GRIN2D: variants seen among roughly 807,000 people sequenced by gnomAD.
GRIN2D encodes glutamate ionotropic receptor NMDA type subunit 2D.
A neutral mutation model predicts 103.2 loss-of-function variants in GRIN2D; 37 were observed. The ratio of observed to expected loss-of-function variants is 0.36; its 90% CI spans 0.28 to 0.47. The LOEUF (loss-of-function observed/expected upper bound fraction) is 0.47. Ranked by LOEUF, GRIN2D falls within the 20% of genes least tolerant of loss-of-function variation. The pLI is 1.00. For synonymous variants in GRIN2D, 845 were observed against 885.6 expected, an observed-to-expected ratio of 0.95 and a Z score of 0.81; for missense variants, 1,557 against 1,910.6, an observed-to-expected ratio of 0.81 and a Z score of 3.45.
intron 11 of GRIN2D, among the ~76,000 whole-genome samples, chr19:48,440,189 G>T (rs1271848198): frequency 6.6e-6 from 1 of 151,906 alleles, no homozygotes; most frequent in Non-Finnish European, 1.5e-5. Flanking sequence ...CCAGCCTGGG[G>T]GACAAGAGTG....
chr19:48,404,710 G>T, intron 3 of GRIN2D, 24 bp from the exon 4 acceptor site: 1 of 1,566,300 alleles, frequency 6.4e-7, no homozygotes, highest in South Asian at 1.2e-5. Context: ...CGGCAGGCCT[G>T]ACATCCTCCT....
chr19:48,398,979 G>A (rs1970678117), intron 3 of GRIN2D, 122 bp downstream of exon 3: 1 of 967,998 alleles, frequency 1.0e-6, no homozygotes, highest in Admixed American at 4.4e-5. Flanking sequence ...GTGGGTCCGA[G>A]TCTGGGACAA....
At chr19:48,440,778 C>T (rs1971281753) in intron 11 of GRIN2D, among the ~76,000 whole-genome samples, 1 of 152,092 alleles carries the variant, frequency 6.6e-6, no homozygotes, top group South Asian at 2.1e-4. Context: ...CCTCTGCCTC[C>T]CAGGTTCAAG....
intron 3 of GRIN2D, among the ~76,000 whole-genome samples, chr19:48,399,213 C>T (rs1970680966): frequency 1.3e-5 from 2 of 151,988 alleles, no homozygotes; most frequent in Admixed American, 6.6e-5. Context: ...GGACTAGCCC[C>T]AAATGGCAAA....
chr19:48,405,425 A>G lies in GRIN2D; in HGVS notation c.1085+72A>G. 1 of 1,400,060 alleles carries G rather than the reference A, an allele frequency of 7.1e-7. No individual in the cohort carries two copies. The highest frequency in any genetic ancestry group is 9.4e-7 in the Non-Finnish European group (1 of 1,060,812). The allele number at this position is 1,400,060 out of a possible 1,614,324, so 86.7% of individuals were successfully genotyped here. A position where few individuals can be genotyped will look rare whatever the true frequency, so the allele number is the denominator to read the frequency against. ...TAACTACCTCAGTATTCACTGAATGAGTGGCTCAAATGGGCCACATCTGCT... is the reference window on the plus strand; with the variant it reads ...TAACTACCTCAGTATTCACTGAATGGGTGGCTCAAATGGGCCACATCTGCT... On this transcript the variant is annotated intron_variant, in intron 4 of 13. Transcript: ENST00000263269. This position sits in a 1 kb window ranked among gnomAD's most constrained non-coding sequence, Gnocchi z 5.1.
intron 8 of GRIN2D, among the ~76,000 whole-genome samples, chr19:48,416,729 TTCTC>T (rs375692824): frequency 1.3e-3 from 170 of 126,940 alleles, no homozygotes; most frequent in African/African-American, 5.0e-3. Context: ...AAGCTTCTAC[TTCTC>T]TCTCTCTCTC....
At position 48,398,423 on chromosome 19, in the gene GRIN2D, CG is replaced by C; in HGVS notation, c.35del (p.Gly12AlafsTer71). ...CGGCGCCGGTGGCCCCCGCGGCCCT[CG>C]GGGCCCCGCTAAGATGCTGCTGCTG... is the stretch of plus-strand genomic sequence containing the variant. MRGAGGPRGP[R>X]GPAKMLLLLA... On this transcript the variant is annotated frameshift_variant, in exon 3 of 14. Transcript: ENST00000263269. LOFTEE classifies it high-confidence loss of function. 8.9e-7 allele frequency: 1 copy of C among 1,117,632 alleles called. No homozygotes were observed. 69.2% of individuals were successfully genotyped at this position (1,117,632 alleles called of 1,614,324 possible).
chr19:48,398,956 C>A (rs1333992425), intron 3 of GRIN2D, 99 bp downstream of exon 3: 6 of 305,540 alleles, frequency 2.0e-5, no homozygotes, highest in Non-Finnish European at 2.9e-5. Context: ...CTAGAGGGGG[C>A]GGGGACTGTC....
intron 11 of GRIN2D, among the ~76,000 whole-genome samples, chr19:48,431,874 C>T (rs1011460419): frequency 4.6e-5 from 7 of 151,664 alleles, no homozygotes; most frequent in Admixed American, 6.6e-5. Context: ...TGTGTGCCAC[C>T]GCGCCCGGCC....
intron 3 of GRIN2D, among the ~76,000 whole-genome samples, chr19:48,399,552 A>G (rs1451115261): frequency 1.3e-5 from 2 of 152,206 alleles, no homozygotes; most frequent in Non-Finnish European, 2.9e-5. Context: ...TGGGCGACAC[A>G]GTGAGACTCT....
intron 8 of GRIN2D, 103 bp downstream of exon 8, chr19:48,416,258 T>C: frequency 1.0e-6 from 1 of 965,484 alleles, no homozygotes; most frequent in Non-Finnish European, 1.6e-6. Context: ...GTATCATCGG[T>C]ACTTGAACCC....
chr19:48,443,638 G>A lies in GRIN2D; in HGVS notation c.3712G>A (p.Ala1238Thr). The part of the protein sequence containing the change: ...CPRSHPHRPR[A>T]SHRTPAAAAP... ...GCGGTCGCACCCGCACCGCCCGCGGGCCTCGCACCGCACGCCCGCCGCCGC... is the reference window on the plus strand; with the variant it reads ...GCGGTCGCACCCGCACCGCCCGCGGACCTCGCACCGCACGCCCGCCGCCGC... Residue 1238 changes from alanine to threonine, a missense_variant, in exon 14 of 14, where the codon GCC (alanine) becomes ACC (threonine). Transcript: ENST00000263269. The surrounding 1 kb of genome is among the most constrained non-coding windows in gnomAD (Gnocchi z 8.9). 9.1e-7 allele frequency: 1 copy of A among 1,095,506 alleles called. No homozygotes were observed. The allele number at this position is 1,095,506 out of a possible 1,614,324, so 67.9% of individuals were successfully genotyped here.
chr19:48,412,421 A>AAAAGAAAGAAAGAAAG lies in GRIN2D; in HGVS notation c.1086-1524_1086-1509dup, dbSNP rs57100057. On this transcript the variant is annotated intron_variant, in intron 4 of 13. Transcript: ENST00000263269. ...AGAAAAGAAAGAAAGAAAGAGAAAGAAAAGAAAGAAAGAAAGAAAGAAAGA... is the reference window on the plus strand; with the variant it reads ...AGAAAAGAAAGAAAGAAAGAGAAAGAAAAGAAAGAAAGAAAGAAAGAAAGAAAGAAAGAAAGAAAGA... Among the ~76,000 whole-genome samples, 183 of 123,432 alleles carry AAAAGAAAGAAAGAAAG rather than the reference A, an allele frequency of 1.5e-3. 1 individual carries two copies. The highest frequency in any genetic ancestry group is 3.8e-3 in the Middle Eastern group (1 of 262). 81.0% of individuals were successfully genotyped at this position (123,432 alleles called of 152,430 possible).
At position 48,443,599 on chromosome 19, in the gene GRIN2D, C is replaced by T. The variant is rs1330487131; in HGVS notation, c.3673C>T (p.Arg1225Cys). The change falls in exon 14 of 14, where the codon CGC becomes TGC. Residue 1225 changes from arginine to cysteine, a missense_variant. By Grantham distance (180) the Arg-to-Cys change is radical. Coordinates refer to ENST00000263269, the MANE Select transcript of GRIN2D (RefSeq NM_000836.4). The surrounding 1 kb of genome is among the most constrained non-coding windows in gnomAD (Gnocchi z 8.9). Reference protein sequence around the residue: ...AAGPLPRRRARCGCPRSHPHR... With the variant: ...AAGPLPRRRACCGCPRSHPHR... ...CGGGCCCCTGCCCCGACGCCGGGCC[C>T]GCTGCGGGTGCCCGCGGTCGCACCC... is the stretch of plus-strand genomic sequence containing the variant. 19 of 1,149,646 alleles carry T rather than the reference C, an allele frequency of 1.7e-5. No individual in the cohort carries two copies. In the East Asian group the frequency reaches 7.6e-4, roughly 46 times the overall value. The allele number at this position is 1,149,646 out of a possible 1,614,324, so 71.2% of individuals were successfully genotyped here. A position where few individuals can be genotyped will look rare whatever the true frequency, so the allele number is the denominator to read the frequency against.
chr19:48,422,010 G>A, intron 11 of GRIN2D, 65 bp downstream of exon 11: 1 of 1,515,750 alleles, frequency 6.6e-7, no homozygotes, highest in Non-Finnish European at 9.1e-7. Flanking sequence ...GCTCAAAGAT[G>A]GCAAGGGGTC....
intron 11 of GRIN2D, among the ~76,000 whole-genome samples, chr19:48,439,018 G>A (rs1000611158): frequency 5.3e-5 from 8 of 150,392 alleles, no homozygotes; most frequent in African/African-American, 1.5e-4. Context: ...GGGCTCAGGC[G>A]ATCCTCCTGC....
rs1216403018 is a variant in GRIN2D, at chr19:48,394,784, GCCGCTGCTGCCGCCACCA to G, written c.-176_-159del. 1.9e-5 allele frequency: 3 copies of G among 155,664 alleles called. No homozygotes were observed. Among genetic ancestry groups the G allele is most frequent in the African/African-American group, 7.2e-5 (3 of 41,404 alleles). The allele number at this position is 155,664 out of a possible 1,614,324, so 9.6% of individuals were successfully genotyped here. On this transcript the variant is annotated 5_prime_UTR_variant, in exon 2 of 14. Coordinates refer to ENST00000263269, the MANE Select transcript of GRIN2D (RefSeq NM_000836.4). The surrounding 1 kb of genome is among the most constrained non-coding windows in gnomAD (Gnocchi z 5.1). The stretch of plus-strand genomic sequence containing the variant: ...CAGGGACAGACAGGAGGTCCGGGCT[GCCGCTGCTGCCGCCACCA>G]CCACTGCCGCCGCCCCGGGGCCTGC...
chr19:48,434,919 G>A lies in GRIN2D; in HGVS notation c.2253-6850G>A, dbSNP rs144532208. Among the ~76,000 whole-genome samples, 711 of 152,180 alleles carry A rather than the reference G, an allele frequency of 4.7e-3. 4 individuals are homozygous for A. Among genetic ancestry groups the A allele is most frequent in the African/African-American group, 0.016 (672 of 41,516 alleles). On this transcript the variant is annotated intron_variant, in intron 11 of 13. Transcript: ENST00000263269. ...ATTTCATTTTAATTGTTCATTGCTAGTATATAGGAATATAATTTATTTCAC... is the reference window on the plus strand; with the variant it reads ...ATTTCATTTTAATTGTTCATTGCTAATATATAGGAATATAATTTATTTCAC...
At position 48,414,645 on chromosome 19, in the gene GRIN2D, T is replaced by G; in HGVS notation, c.1412+61T>G. 6.8e-7 allele frequency: 1 copy of G among 1,463,790 alleles called. No individual in the cohort carries two copies. Among genetic ancestry groups the G allele is most frequent in the Non-Finnish European group, 9.3e-7 (1 of 1,071,760 alleles). The allele number at this position is 1,463,790 out of a possible 1,614,324, so 90.7% of individuals were successfully genotyped here. ...ACCCGCCTCCCGTGAAGCCCAGTAG[T>G]CTGGGCCCCCAGCCCCCTCCTCCCT... On this transcript the variant is annotated intron_variant, in intron 6 of 13. Coordinates refer to ENST00000263269, the MANE Select transcript of GRIN2D (RefSeq NM_000836.4). This position sits in a 1 kb window ranked among gnomAD's most constrained non-coding sequence, Gnocchi z 4.6.
Sources: gnomAD v4.1 joint callset for allele counts (sites outside exome capture counted in the v4.1 genomes callset) on GRCh38, gnomAD v4.1.1 for gene constraint, Gnocchi (gnomAD v3.1) non-coding constraint, MANE v1.5 for transcripts, NCBI Gene and HGNC (gene_info 2026-07-23, HGNC 2026-07-21) for gene names.